C2orf78: variants seen among roughly 807,000 people sequenced by gnomAD.
C2orf78 encodes uncharacterized protein C2orf78.
Under a neutral mutation model 21.4 loss-of-function variants are expected in C2orf78, and 12 were observed. That is an observed-to-expected ratio of 0.56 (90% CI 0.36 to 0.91). The LOEUF is 0.91. Ranked by LOEUF, C2orf78 falls within the 40% of genes least tolerant of loss-of-function variation. C2orf78 has a pLI of 0.01. For synonymous variants in C2orf78, 396 were observed against 413.9 expected, an observed-to-expected ratio of 0.96 and a Z score of 0.52; for missense variants, 1,042 against 1,092.4, an observed-to-expected ratio of 0.95 and a Z score of 0.65.
At chr2:73,811,557 A>C (rs1367831) in intron 1 of C2orf78, among the ~76,000 whole-genome samples, 1 of 152,188 alleles carries the variant, frequency 6.6e-6, no homozygotes, top group Non-Finnish European at 1.5e-5. Flanking sequence ...CAGAGTACCT[A>C]CTGATTCATA....
At chr2:73,810,628 T>TATATATATTTTATATATATACATA (rs1380560788) in intron 1 of C2orf78, among the ~76,000 whole-genome samples, 3 of 125,118 alleles carry the variant, frequency 2.4e-5, no homozygotes, top group Non-Finnish European at 5.2e-5. Context: ...ATATACATAA[T>TATATATATTTTATATATATACATA]ATATATATGT....
chr2:73,816,347 T>C, exon 3 of C2orf78: 6 of 1,613,876 alleles, frequency 3.7e-6, no homozygotes, highest in African/African-American at 1.3e-5. Context: ...CATCCCACTC[T>C]GAGTTGCCAC....
At position 73,814,276 on chromosome 2, in the gene C2orf78, G is replaced by A. The variant is rs1365228178; in HGVS notation, c.847+50G>A. The A allele has an allele frequency of 4.0e-6, 6 of 1,510,708 alleles. No individual in the cohort carries two copies. The African/African-American group carries it at 5.5e-5, about 14-fold the overall frequency. The allele number at this position is 1,510,708 out of a possible 1,614,324, so 93.6% of individuals were successfully genotyped here. ...GAGGAATAATGTCAGCGTTGAAAAG[G>A]AGGGTCAAATCTGTAGCGAGTGGTG... On this transcript the variant is annotated intron_variant, in intron 2 of 2. Coordinates refer to ENST00000409561, the Ensembl canonical transcript of C2orf78.
At chr2:73,815,534 T>C (rs1673175326) in exon 3 of C2orf78, 1 of 1,613,976 alleles carries the variant, frequency 6.2e-7, no homozygotes, top group East Asian at 2.2e-5. Flanking sequence ...GGATTGAGTC[T>C]AGCAGTGATT....
At chr2:73,817,121 A>C in exon 3 of C2orf78, 1 of 1,081,342 alleles carries the variant, frequency 9.2e-7, no homozygotes. Context: ...TTAATAGATA[A>C]GTAATAAAGA....
exon 3 of C2orf78, chr2:73,816,749 A>G (rs1414957503): frequency 1.2e-6 from 2 of 1,613,834 alleles, no homozygotes; most frequent in African/African-American, 1.3e-5. Context: ...CCAAGCCTCA[A>G]AATCAATTTC....
chr2:73,813,680 C>T (rs1439131723), exon 2 of C2orf78: 4 of 1,613,912 alleles, frequency 2.5e-6, no homozygotes, highest in Non-Finnish European at 3.4e-6. Flanking sequence ...CCTTTACCAA[C>T]ATTCTAGCAC....
At chr2:73,785,914 C>T (rs1672918143) in intron 1 of C2orf78, among the ~76,000 whole-genome samples, 2 of 151,842 alleles carry the variant, frequency 1.3e-5, no homozygotes, top group African/African-American at 4.8e-5. Context: ...GGCATGGTGG[C>T]ACATGCGTGT....
chr2:73,813,446 G>A lies in C2orf78; in HGVS notation c.98-31G>A, dbSNP rs532865448. The stretch of plus-strand genomic sequence containing the variant: ...AAGGTGAGAATTTTTCACTCTCATC[G>A]GTTTTTTCATCTCTCTCTTGTTTCC... On this transcript the variant is annotated intron_variant, in intron 1 of 2. Transcript: ENST00000409561. 66 of 1,530,526 alleles carry A rather than the reference G, an allele frequency of 4.3e-5. No individual in the cohort carries two copies. In the South Asian group the frequency reaches 4.6e-4, roughly 11 times the overall value. The allele number at this position is 1,530,526 out of a possible 1,614,324, so 94.8% of individuals were successfully genotyped here. A position where few individuals can be genotyped will look rare whatever the true frequency, so the allele number is the denominator to read the frequency against.
chr2:73,815,886 C>A, exon 3 of C2orf78: 1 of 1,613,526 alleles, frequency 6.2e-7, no homozygotes, highest in Admixed American at 1.7e-5. Flanking sequence ...CAACAAACCT[C>A]ACAAGGCTGC....
At chr2:73,809,901 G>C (rs1287730543) in intron 1 of C2orf78, among the ~76,000 whole-genome samples, 5 of 152,146 alleles carry the variant, frequency 3.3e-5, no homozygotes, top group Non-Finnish European at 7.3e-5. Flanking sequence ...TCTAGAGTAA[G>C]GAATTTGGTA....
At chr2:73,814,252 AGGAATAAT>A (rs1399892436) in intron 2 of C2orf78, 26 bp downstream of exon 2, 2 of 1,530,338 alleles carry the variant, frequency 1.3e-6, no homozygotes, top group East Asian at 4.5e-5. Flanking sequence ...AAGAAAGGAG[AGGAATAAT>A]GTCAGCGTTG....
rs560133836 is a variant in C2orf78, at chr2:73,784,464, G to C, written c.97+58G>C. The C allele has an allele frequency of 8.5e-6, 5 of 588,248 alleles. No homozygotes were observed. In the Admixed American group the frequency reaches 1.5e-4, roughly 17 times the overall value. The allele number at this position is 588,248 out of a possible 1,614,324, so 36.4% of individuals were successfully genotyped here. A position where few individuals can be genotyped will look rare whatever the true frequency, so the allele number is the denominator to read the frequency against. ...TGAGATTTCTTTGCCACTAAATTTA[G>C]ATTTCTTTCCCCCTATATTCCCAAA... On this transcript the variant is annotated intron_variant, in intron 1 of 2. Transcript: ENST00000409561.
At chr2:73,815,086 T>C in exon 3 of C2orf78, 1 of 1,611,796 alleles carries the variant, frequency 6.2e-7, no homozygotes, top group Non-Finnish European at 8.5e-7. Context: ...GAAACTTCCC[T>C]GGGGATGGAT....
intron 1 of C2orf78, among the ~76,000 whole-genome samples, chr2:73,808,235 C>G (rs927417060): frequency 3.3e-5 from 5 of 150,998 alleles, no homozygotes; most frequent in Admixed American, 6.6e-5. Context: ...GCCTGGGTGA[C>G]AGAGCCAGAC....
chr2:73,784,516 G>C, intron 1 of C2orf78, 110 bp downstream of exon 1: 3 of 575,988 alleles, frequency 5.2e-6, no homozygotes, highest in Non-Finnish European at 6.0e-6. Context: ...GGAAAGTATT[G>C]AAGTAGAAAT....
At chr2:73,808,478 T>G (rs1445804308) in intron 1 of C2orf78, among the ~76,000 whole-genome samples, 2 of 150,806 alleles carry the variant, frequency 1.3e-5, no homozygotes. Context: ...ATGAGAAACA[T>G]TGAGATGATC....
At chr2:73,816,332 A>C (rs762687152) in exon 3 of C2orf78, 4 of 1,613,826 alleles carry the variant, frequency 2.5e-6, no homozygotes, top group Non-Finnish European at 2.5e-6. Context: ...AAGAGTGTAC[A>C]TCTCCATCCC....
chr2:73,813,726 T>C, exon 2 of C2orf78: 1 of 1,614,040 alleles, frequency 6.2e-7, no homozygotes, highest in Non-Finnish European at 8.5e-7. Context: ...CAGAGCCATA[T>C]CTGTACTTCA....
Sources: allele counts gnomAD v4.1 joint callset (sites outside exome capture counted in the v4.1 genomes callset), GRCh38; gene constraint gnomAD v4.1.1; transcripts MANE v1.5; gene names NCBI Gene and HGNC (gene_info 2026-07-23, HGNC 2026-07-21).